COL25A1: variants seen among roughly 807,000 people sequenced by gnomAD.
The protein encoded by COL25A1 is collagen alpha-1(XXV) chain.
A neutral mutation model predicts 128.4 loss-of-function variants in COL25A1; 103 were observed. The ratio of observed to expected loss-of-function variants is 0.80; its 90% CI spans 0.68 to 0.94. The LOEUF (loss-of-function observed/expected upper bound fraction) is 0.94, where lower values mean the gene tolerates loss of function less well. Among genes scored for constraint, COL25A1 ranks in the 40% least tolerant of loss-of-function variants. The pLI is 0.00. For missense variants in COL25A1, 745 were observed against 840.0 expected (o/e 0.89, Z 1.40); for synonymous variants, 279 against 277.2 (o/e 1.01, Z -0.06).
chr4:109,185,045 A>C (rs1775008229), intron 3 of COL25A1, among the ~76,000 whole-genome samples: 1 of 152,194 alleles, frequency 6.6e-6, no homozygotes, highest in Non-Finnish European at 1.5e-5. Flanking sequence ...GATGTGTAGA[A>C]AAGAAAGTGT....
chr4:108,912,827 C>T lies in COL25A1; in HGVS notation c.780+5345G>A, dbSNP rs138539925. ...CAATAAAAATGCCATTAAAAATATG[C>T]TGTGAAGATTAATGTCAGTGAAGAA... On this transcript the variant is annotated intron_variant, in intron 13 of 37. Coordinates refer to ENST00000399132, the MANE Select transcript of COL25A1 (RefSeq NM_198721.4). 6.6e-4 allele frequency among the ~76,000 whole-genome samples: 100 copies of T among 152,108 alleles called. 1 individual carries two copies. In the East Asian group the frequency reaches 0.015, roughly 23 times the overall value.
chr4:108,926,683 G>A lies in COL25A1; in HGVS notation c.709-6079C>T, dbSNP rs73838505. On this transcript the variant is annotated intron_variant, in intron 11 of 37. Coordinates refer to ENST00000399132, the MANE Select transcript of COL25A1 (RefSeq NM_198721.4). ...CAAGATCACAAAATACATAAACTTG[G>A]TTTATAAAGAGTAAGAGGAAATTTA... is the stretch of plus-strand genomic sequence containing the variant. Among the ~76,000 whole-genome samples, 77 of 151,854 alleles carry A rather than the reference G, an allele frequency of 5.1e-4. 2 individuals are homozygous for A. Among genetic ancestry groups the A allele is most frequent in the African/African-American group, 1.8e-3 (75 of 41,414 alleles).
chr4:108,868,410 C>A (rs1191346801), intron 20 of COL25A1, among the ~76,000 whole-genome samples: 1 of 151,474 alleles, frequency 6.6e-6, no homozygotes, highest in Non-Finnish European at 1.5e-5. Flanking sequence ...ACCTAAATTA[C>A]CAAGTTGTCC....
chr4:109,289,229 G>C (rs1264291068), intron 3 of COL25A1, among the ~76,000 whole-genome samples: 1 of 152,008 alleles, frequency 6.6e-6, no homozygotes. Context: ...CAAACTCTGA[G>C]TATAACTGAC....
At chr4:109,068,888 G>A (rs1762684675) in intron 3 of COL25A1, among the ~76,000 whole-genome samples, 1 of 152,034 alleles carries the variant, frequency 6.6e-6, no homozygotes, top group African/African-American at 2.4e-5. Context: ...GAGGAGACAG[G>A]AGACAAGGAA....
chr4:109,231,939 T>TAG (rs1779189530), intron 3 of COL25A1, among the ~76,000 whole-genome samples: 1 of 152,154 alleles, frequency 6.6e-6, no homozygotes, highest in African/African-American at 2.4e-5. Context: ...ATATCTAACA[T>TAG]AGAACTTAGT....
intron 22 of COL25A1, 79 bp from the exon 23 acceptor site, chr4:108,861,050 A>G (rs1737151772): frequency 8.5e-7 from 1 of 1,178,820 alleles, no homozygotes; most frequent in East Asian, 2.3e-5. Context: ...TGTTTATGCC[A>G]TACAGAAGCA....
chr4:108,983,770 C>T (rs950787269), intron 6 of COL25A1, among the ~76,000 whole-genome samples: 2 of 151,902 alleles, frequency 1.3e-5, no homozygotes, highest in Non-Finnish European at 2.9e-5. Flanking sequence ...CTCGTTCCTC[C>T]CTGTGGGTTC....
chr4:109,285,856 G>A (rs143635036), intron 3 of COL25A1, among the ~76,000 whole-genome samples: 177 of 149,432 alleles, frequency 1.2e-3, no homozygotes, highest in African/African-American at 4.4e-3. Context: ...TTGTTTGTTG[G>A]TTTTTGTTTT....
intron 4 of COL25A1, among the ~76,000 whole-genome samples, chr4:109,049,095 C>T (rs1322667871): frequency 6.6e-6 from 1 of 151,950 alleles, no homozygotes; most frequent in Non-Finnish European, 1.5e-5. Context: ...TTTACTTTTA[C>T]ATCTTTCTTA....
chr4:109,006,752 G>A (rs1010809511), intron 6 of COL25A1, among the ~76,000 whole-genome samples: 19 of 152,072 alleles, frequency 1.2e-4, no homozygotes, highest in Non-Finnish European at 2.2e-4. Context: ...TCATTTCTAA[G>A]TGCTCATATT....
At chr4:109,097,840 T>TAGAGACACGCCCAGCTAAA (rs1192272479) in intron 3 of COL25A1, among the ~76,000 whole-genome samples, 15 of 151,720 alleles carry the variant, frequency 9.9e-5, no homozygotes, top group Non-Finnish European at 2.1e-4. Flanking sequence ...ATTTTTGTAT[T>TAGAGACACGCCCAGCTAAA]TTTAACAGAG....
chr4:109,064,290 C>T (rs1461922675), intron 3 of COL25A1, among the ~76,000 whole-genome samples: 2 of 152,182 alleles, frequency 1.3e-5, no homozygotes, highest in Admixed American at 6.5e-5. Flanking sequence ...TCTTTTAACA[C>T]GATATGCACA....
At chr4:109,261,326 G>A (rs552787671) in intron 3 of COL25A1, among the ~76,000 whole-genome samples, 176 of 152,154 alleles carry the variant, frequency 1.2e-3, no homozygotes, top group African/African-American at 4.1e-3. Flanking sequence ...AAACCAGCCT[G>A]GTCAACATCA....
chr4:108,863,310 A>C lies in COL25A1; in HGVS notation c.1152+9T>G, dbSNP rs753366377. On this transcript the variant is annotated intron_variant, in intron 21 of 37. Coordinates refer to ENST00000399132, the MANE Select transcript of COL25A1 (RefSeq NM_198721.4). ...AGAATGGTTATTTTCCAGTTTAAGA[A>C]TAACTCACCTTTGGTCCGGGGGCTC... 1.2e-6 allele frequency: 2 copies of C among 1,613,118 alleles called. No individual in the cohort carries two copies. Among genetic ancestry groups the C allele is most frequent in the Non-Finnish European group, 1.7e-6 (2 of 1,179,244 alleles).
At chr4:108,983,885 G>A (rs892722572) in intron 6 of COL25A1, among the ~76,000 whole-genome samples, 1 of 152,112 alleles carries the variant, frequency 6.6e-6, no homozygotes, top group African/African-American at 2.4e-5. Context: ...AGGATTTATT[G>A]CAAAGAGCAA....
intron 24 of COL25A1, among the ~76,000 whole-genome samples, chr4:108,855,455 T>A (rs1736379078): frequency 1.3e-5 from 2 of 152,022 alleles, no homozygotes; most frequent in South Asian, 4.1e-4. Context: ...AGAAATAATT[T>A]CTTTATCATT....
At chr4:108,990,624 C>T (rs1754143374) in intron 6 of COL25A1, among the ~76,000 whole-genome samples, 1 of 152,052 alleles carries the variant, frequency 6.6e-6, no homozygotes, top group Non-Finnish European at 1.5e-5. Flanking sequence ...AGTACCACCT[C>T]TAAGGGCAAT....
intron 3 of COL25A1, among the ~76,000 whole-genome samples, chr4:109,157,342 T>C (rs1772129901): frequency 6.6e-6 from 1 of 152,100 alleles, no homozygotes; most frequent in South Asian, 2.1e-4. Context: ...GCCAGTAAGA[T>C]CTTAACCATT....
Sources: allele counts gnomAD v4.1 joint callset (sites outside exome capture counted in the v4.1 genomes callset), GRCh38; gene constraint gnomAD v4.1.1; transcripts MANE v1.5; gene names NCBI Gene and HGNC (gene_info 2026-07-23, HGNC 2026-07-21).